The following EMID1 variants were observed in gnomAD, a reference collection of about 807,000 sequenced individuals.
EMID1 encodes the protein EMI domain-containing protein 1.
Under a neutral mutation model 60.6 loss-of-function variants are expected in EMID1, and 40 were observed. The ratio of observed to expected loss-of-function variants is 0.66; its 90% confidence interval spans 0.51 to 0.86. The LOEUF is 0.86. Ranked by LOEUF, EMID1 falls within the 40% of genes least tolerant of loss-of-function variation. The pLI is 0.00. For missense variants in EMID1, 585 were observed against 597.1 expected, an observed-to-expected ratio of 0.98 and a Z score of 0.21; for synonymous variants, 242 against 231.0, an observed-to-expected ratio of 1.05 and a Z score of -0.43.
rs747209082 is a variant in EMID1, at chr22:29,258,932, C to CGAGAGAGGCTGAGGGTGGTG, written c.1322_*9dup. 9 of 1,612,652 alleles carry CGAGAGAGGCTGAGGGTGGTG rather than the reference C, an allele frequency of 5.6e-6. No homozygotes were observed. The Admixed American group carries it at 1.3e-4, about 24-fold the overall frequency. On this transcript the variant is annotated stop_gained and frameshift_variant, in exon 15 of 15. Transcript: ENST00000334018. LOFTEE classifies it high-confidence loss of function. ...GGATCGTGGCCCCCAGGAGCCGGGA[C>CGAGAGAGGCTGAGGGTGGTG]GAGAGAGGCTGAGGGTGGTGGCGGC...
chr22:29,254,060 C>G (rs2146461175), intron 13 of EMID1, 143 bp from the exon 14 acceptor site: 2 of 1,535,880 alleles, frequency 1.3e-6, no homozygotes, highest in East Asian at 4.6e-5. Context: ...TGGTCTTGTT[C>G]TGGCTGTCCA....
At position 29,227,641 on chromosome 22, in the gene EMID1, G is replaced by C. The variant is rs923242453; in HGVS notation, c.465+1090G>C. On this transcript the variant is annotated intron_variant, in intron 5 of 14. Transcript: ENST00000334018. ...GATCACTTGAACCTGGGAGGTGGAG[G>C]TTGTAGTGAGCCAAGATTGCGCCAC... 2.0e-5 allele frequency among the ~76,000 whole-genome samples: 3 copies of C among 147,690 alleles called. No individual in the cohort carries two copies. In the Admixed American group the frequency reaches 2.1e-4, roughly 10 times the overall value.
intron 12 of EMID1, among the ~76,000 whole-genome samples, chr22:29,243,234 T>C (rs1213932272): frequency 6.6e-6 from 1 of 152,222 alleles, no homozygotes; most frequent in Non-Finnish European, 1.5e-5. Flanking sequence ...TTCCCTTCTT[T>C]TAAGGGTTGA....
At chr22:29,236,122 A>G (rs574785889) in intron 12 of EMID1, among the ~76,000 whole-genome samples, 30 of 152,296 alleles carry the variant, frequency 2.0e-4, no homozygotes, top group African/African-American at 7.2e-4. Context: ...GGCCCAGCAT[A>G]GTGGCCCACA....
At position 29,259,086 on chromosome 22, in the gene EMID1, G is replaced by A. The variant is rs946418242; in HGVS notation, c.*142G>A. 1 of 1,306,766 alleles carries A rather than the reference G, an allele frequency of 7.7e-7. No homozygotes were observed. Among genetic ancestry groups the A allele is most frequent in the Admixed American group, 2.8e-5 (1 of 36,116 alleles). The allele number at this position is 1,306,766 out of a possible 1,614,324, so 80.9% of individuals were successfully genotyped here. A position where few individuals can be genotyped will look rare whatever the true frequency, so the allele number is the denominator to read the frequency against. Reference sequence around the variant, plus strand: ...CCATCTAGGCCTTAGGGGTAAGCAGGTCTCAGTCCTGGCACCATGCACATG... The same window carrying A: ...CCATCTAGGCCTTAGGGGTAAGCAGATCTCAGTCCTGGCACCATGCACATG... On this transcript the variant is annotated 3_prime_UTR_variant, in exon 15 of 15. Coordinates refer to ENST00000334018, the MANE Select transcript of EMID1 (RefSeq NM_133455.4).
At chr22:29,246,554 G>A (rs1197250139) in intron 13 of EMID1, among the ~76,000 whole-genome samples, 2 of 152,186 alleles carry the variant, frequency 1.3e-5, no homozygotes, top group Admixed American at 6.5e-5. Context: ...AAAAGGGAGT[G>A]AGGAGTCAAG....
chr22:29,228,969 C>T (rs2040630192), intron 5 of EMID1, among the ~76,000 whole-genome samples: 1 of 152,132 alleles, frequency 6.6e-6, no homozygotes, highest in Non-Finnish European at 1.5e-5. Context: ...CAAAAGAAGG[C>T]ATGGTTGTAT....
intron 14 of EMID1, among the ~76,000 whole-genome samples, chr22:29,256,298 C>G (rs1019072613): frequency 6.6e-6 from 1 of 151,854 alleles, no homozygotes; most frequent in Non-Finnish European, 1.5e-5. Context: ...CATGGCGAAA[C>G]CCCGTCTCTA....
At chr22:29,226,693 G>C in intron 5 of EMID1, 142 bp downstream of exon 5, 2 of 765,756 alleles carry the variant, frequency 2.6e-6, no homozygotes, top group Non-Finnish European at 3.9e-6. Flanking sequence ...GAACTGACTC[G>C]GCGAGCAGCA....
intron 12 of EMID1, among the ~76,000 whole-genome samples, chr22:29,238,483 T>C (rs2041041772): frequency 7.0e-6 from 1 of 141,938 alleles, no homozygotes; most frequent in Non-Finnish European, 1.5e-5. Context: ...AATGGTGTGA[T>C]CTTGGCTCAC....
intron 3 of EMID1, among the ~76,000 whole-genome samples, chr22:29,218,693 C>T (rs568498608): frequency 6.6e-6 from 1 of 152,314 alleles, no homozygotes; most frequent in African/African-American, 2.4e-5. Flanking sequence ...GAGGGCGGGC[C>T]GAGCCCCACA....
chr22:29,250,841 C>T (rs1018907492), intron 13 of EMID1, among the ~76,000 whole-genome samples: 5 of 143,736 alleles, frequency 3.5e-5, no homozygotes, highest in Non-Finnish European at 7.5e-5. Flanking sequence ...GTGATCCATC[C>T]GCTTAGGCCT....
intron 14 of EMID1, among the ~76,000 whole-genome samples, chr22:29,256,290 T>C (rs1472384929): frequency 4.6e-5 from 7 of 151,726 alleles, no homozygotes; most frequent in Non-Finnish European, 1.0e-4. Flanking sequence ...CTGGGCAACA[T>C]GGCGAAACCC....
chr22:29,252,717 C>T (rs2146451008), intron 13 of EMID1, among the ~76,000 whole-genome samples: 1 of 152,206 alleles, frequency 6.6e-6, no homozygotes, highest in South Asian at 2.1e-4. Flanking sequence ...GGAGGAGGGG[C>T]TTTGTGAGCC....
intron 1 of EMID1, among the ~76,000 whole-genome samples, chr22:29,209,063 G>T (rs926164372): frequency 6.6e-6 from 1 of 152,106 alleles, no homozygotes; most frequent in Non-Finnish European, 1.5e-5. Context: ...ACCCCTGCCC[G>T]CCCGGTCCTT....
At chr22:29,229,139 C>T (rs1025975090) in intron 5 of EMID1, among the ~76,000 whole-genome samples, 39 of 151,714 alleles carry the variant, frequency 2.6e-4, no homozygotes, top group South Asian at 2.1e-4. Context: ...GCCTGGAGCC[C>T]GAGACCAGCC....
At chr22:29,244,804 G>T (rs1336967350) in intron 13 of EMID1, among the ~76,000 whole-genome samples, 1 of 152,088 alleles carries the variant, frequency 6.6e-6, no homozygotes, top group East Asian at 1.9e-4. Context: ...CCACGACACA[G>T]GGATCTGGAA....
At chr22:29,246,510 G>A (rs1222259926) in intron 13 of EMID1, among the ~76,000 whole-genome samples, 1 of 152,172 alleles carries the variant, frequency 6.6e-6, no homozygotes. Context: ...GCCGTCGATG[G>A]AGCAAAAAGA....
intron 12 of EMID1, among the ~76,000 whole-genome samples, chr22:29,242,158 T>A (rs530839907): frequency 6.6e-6 from 1 of 152,194 alleles, no homozygotes; most frequent in African/African-American, 2.4e-5. Context: ...GGCCTCAAGC[T>A]ATCCTCCCAC....
Sources: gnomAD v4.1 joint callset for allele counts (sites outside exome capture counted in the v4.1 genomes callset) on GRCh38, gnomAD v4.1.1 for gene constraint, MANE v1.5 for transcripts, NCBI Gene and HGNC (gene_info 2026-07-23, HGNC 2026-07-21) for gene names.